Variants in GRID1 observed in about 807,000 individuals in gnomAD.
GRID1 encodes glutamate ionotropic receptor delta type subunit 1.
A neutral mutation model predicts 98.0 loss-of-function variants in GRID1; 28 were observed. The observed-to-expected ratio is 0.29, with a 90% confidence interval of 0.21 to 0.39. The LOEUF (loss-of-function observed/expected upper bound fraction) is 0.39, where lower values mean the gene tolerates loss of function less well. GRID1 is among the 10% of genes least tolerant of loss of function. The pLI is 1.00. For synonymous variants in GRID1, 553 were observed against 538.5 expected (o/e 1.03, Z -0.37); for missense variants, 1,111 against 1,340.5 (o/e 0.83, Z 2.67).
Position 85,916,163 on chromosome 10 carries a change from C to T in GRID1, c.780+23G>A. Reference sequence around the variant, plus strand: ...CTAGGGGCTCAGTCCAGGCCGTGCTCATCACATTTCTAGAGCCCTTACCTC... The same window carrying T: ...CTAGGGGCTCAGTCCAGGCCGTGCTTATCACATTTCTAGAGCCCTTACCTC... On this transcript the variant is annotated intron_variant, in intron 5 of 15. Coordinates refer to ENST00000327946, the MANE Select transcript of GRID1 (RefSeq NM_017551.3). This position sits in a 1 kb window ranked among gnomAD's most constrained non-coding sequence, Gnocchi z 4.0. 6.3e-7 allele frequency: 1 copy of T among 1,590,140 alleles called. No homozygotes were observed. The highest frequency in any genetic ancestry group is 8.6e-7 in the Non-Finnish European group (1 of 1,158,260).
At chr10:86,276,772 G>A (rs987446477) in intron 2 of GRID1, among the ~76,000 whole-genome samples, 1 of 151,964 alleles carries the variant, frequency 6.6e-6, no homozygotes, top group African/African-American at 2.4e-5. Flanking sequence ...TTACAGGCGT[G>A]AGCCACCGCA....
Position 85,805,731 on chromosome 10 carries a change from G to A in GRID1, c.1233+48765C>T, listed in dbSNP as rs181181173. 2.6e-3 allele frequency among the ~76,000 whole-genome samples: 394 copies of A among 151,692 alleles called. 4 individuals are homozygous for A. The highest frequency in any genetic ancestry group is 9.2e-3 in the African/African-American group (381 of 41,452). On this transcript the variant is annotated intron_variant, in intron 8 of 15. Coordinates refer to ENST00000327946, the MANE Select transcript of GRID1 (RefSeq NM_017551.3). The stretch of plus-strand genomic sequence containing the variant: ...CAAAGATCCCAAAGTAATAAATTAG[G>A]GCAAGAAATGCCTTTTCAATAATTA...
chr10:85,856,152 C>A lies in GRID1; in HGVS notation c.990G>T (p.Leu330=). 1 of 1,614,138 alleles carries A rather than the reference C, an allele frequency of 6.2e-7. No homozygotes were observed. The highest frequency in any genetic ancestry group is 2.2e-5 in the East Asian group (1 of 44,876). Residue 330 remains leucine (L), a synonymous_variant, in exon 7 of 16, where the codon CTG becomes CTT. Coordinates refer to ENST00000327946, the MANE Select transcript of GRID1 (RefSeq NM_017551.3). ...CCAGCTTCCTGTGAAAGGCGTTGGC[C>A]AGCATCAGAACACTGTCATACAGAT... is the stretch of plus-strand genomic sequence containing the variant. ...NLYLYDSVLM[L]ANAFHRKLED... is the part of the protein sequence containing the mutation.
At chr10:85,792,274 G>C (rs903138502) in intron 8 of GRID1, among the ~76,000 whole-genome samples, 1 of 152,232 alleles carries the variant, frequency 6.6e-6, no homozygotes, top group African/African-American at 2.4e-5. Context: ...GCAGCAGGAA[G>C]AAACAAGTTG....
chr10:86,019,415 AG>A (rs1843020743), intron 4 of GRID1, among the ~76,000 whole-genome samples: 1 of 152,186 alleles, frequency 6.6e-6, no homozygotes, highest in Admixed American at 6.5e-5. Flanking sequence ...TGCCCCCATC[AG>A]GGAGAGGGCT....
At chr10:85,863,162 T>C (rs921886147) in intron 6 of GRID1, among the ~76,000 whole-genome samples, 2 of 152,172 alleles carry the variant, frequency 1.3e-5, no homozygotes, top group Admixed American at 1.3e-4. Flanking sequence ...GCAACAAAAA[T>C]TTAACTTCTC....
At chr10:86,238,168 A>G (rs957873024) in intron 2 of GRID1, among the ~76,000 whole-genome samples, 2 of 152,246 alleles carry the variant, frequency 1.3e-5, no homozygotes, top group Non-Finnish European at 2.9e-5. Context: ...TGTAAAGAGG[A>G]GCCAAATGTT....
At chr10:86,078,195 A>G (rs1843912284) in intron 4 of GRID1, among the ~76,000 whole-genome samples, 3 of 152,224 alleles carry the variant, frequency 2.0e-5, no homozygotes, top group Admixed American at 2.0e-4. Context: ...CTGTGATCAT[A>G]CAGCTTATCT....
At chr10:86,346,036 C>T (rs1848376303) in intron 2 of GRID1, among the ~76,000 whole-genome samples, 1 of 152,236 alleles carries the variant, frequency 6.6e-6, no homozygotes, top group Non-Finnish European at 1.5e-5. Flanking sequence ...AGGTTAGGCA[C>T]CACCCCTGTG....
chr10:86,278,046 C>CA (rs1334655625), intron 2 of GRID1, among the ~76,000 whole-genome samples: 1 of 145,228 alleles, frequency 6.9e-6, no homozygotes, highest in African/African-American at 2.6e-5. Flanking sequence ...AGTAAAGTTG[C>CA]AAAAGTAAGT....
intron 4 of GRID1, among the ~76,000 whole-genome samples, chr10:85,942,692 A>G (rs1842009971): frequency 6.6e-6 from 1 of 152,164 alleles, no homozygotes; most frequent in Non-Finnish European, 1.5e-5. Context: ...CCTCAAATCA[A>G]TGTCTCTATT....
intron 5 of GRID1, among the ~76,000 whole-genome samples, chr10:85,911,215 G>A (rs1249654387): frequency 2.6e-5 from 4 of 152,146 alleles, no homozygotes; most frequent in African/African-American, 9.7e-5. Context: ...TGTCTGAGGA[G>A]CCAACCAGAA....
intron 4 of GRID1, among the ~76,000 whole-genome samples, chr10:85,923,376 C>T (rs890186354): frequency 6.6e-6 from 1 of 152,162 alleles, no homozygotes; most frequent in Non-Finnish European, 1.5e-5. Context: ...AAGCACTAAA[C>T]CACAGCTCTG....
chr10:85,706,234 T>C (rs1841516748), intron 12 of GRID1, among the ~76,000 whole-genome samples: 1 of 152,184 alleles, frequency 6.6e-6, no homozygotes, highest in Non-Finnish European at 1.5e-5. Flanking sequence ...GCCCAAAATC[T>C]CCTTAAGCTG....
intron 2 of GRID1, among the ~76,000 whole-genome samples, chr10:86,219,037 G>A (rs946047144): frequency 6.6e-6 from 1 of 152,362 alleles, no homozygotes; most frequent in Admixed American, 6.5e-5. Flanking sequence ...TCATCACCCT[G>A]TGGGTCTGTC....
intron 4 of GRID1, among the ~76,000 whole-genome samples, chr10:85,996,660 C>T (rs1842741627): frequency 6.6e-6 from 1 of 151,844 alleles, no homozygotes; most frequent in East Asian, 1.9e-4. Flanking sequence ...GAAACCCTGC[C>T]TCTACTAAAA....
intron 12 of GRID1, among the ~76,000 whole-genome samples, chr10:85,710,810 T>C (rs940327715): frequency 1.3e-5 from 2 of 152,002 alleles, no homozygotes; most frequent in Non-Finnish European, 2.9e-5. Flanking sequence ...AGAACTTGAA[T>C]AACATTTCTC....
intron 12 of GRID1, among the ~76,000 whole-genome samples, chr10:85,685,112 T>C (rs1841254068): frequency 6.6e-6 from 1 of 152,170 alleles, no homozygotes; most frequent in Non-Finnish European, 1.5e-5. Flanking sequence ...AAAAGGGGGA[T>C]AAAATGCTAA....
intron 4 of GRID1, among the ~76,000 whole-genome samples, chr10:85,932,799 T>A (rs1452688682): frequency 6.6e-6 from 1 of 152,188 alleles, no homozygotes; most frequent in Non-Finnish European, 1.5e-5. Context: ...GCAAGGTGGC[T>A]GGACCAGGGC....
Sources: gnomAD v4.1 joint callset for allele counts (sites outside exome capture counted in the v4.1 genomes callset) on GRCh38, gnomAD v4.1.1 for gene constraint, Gnocchi (gnomAD v3.1) non-coding constraint, MANE v1.5 for transcripts, NCBI Gene and HGNC (gene_info 2026-07-23, HGNC 2026-07-21) for gene names.